SSH2: variants seen among roughly 807,000 people sequenced by gnomAD.
The protein encoded by SSH2 is protein phosphatase Slingshot homolog 2.
Under a neutral mutation model 135.2 loss-of-function variants are expected in SSH2, and 37 were observed. The observed-to-expected ratio is 0.27, with a 90% CI of 0.21 to 0.36. The LOEUF is 0.36. Ranked by LOEUF, SSH2 falls within the 10% of genes least tolerant of loss-of-function variation. SSH2 has a pLI of 1.00. For synonymous variants in SSH2, 628 were observed against 646.2 expected (o/e 0.97, Z 0.43); for missense variants, 1,408 against 1,765.3 (o/e 0.80, Z 3.63).
intron 1 of SSH2, among the ~76,000 whole-genome samples, chr17:29,857,825 T>C (rs1276204412): frequency 6.6e-6 from 1 of 152,210 alleles, no homozygotes; most frequent in Non-Finnish European, 1.5e-5. Context: ...CACACTGTTG[T>C]ATAGTCAATC....
At chr17:29,782,956 GT>G (rs2041872327) in intron 3 of SSH2, among the ~76,000 whole-genome samples, 1 of 152,110 alleles carries the variant, frequency 6.6e-6, no homozygotes, top group African/African-American at 2.4e-5. Flanking sequence ...CCTGACCTCA[GT>G]TGATCTTCCC....
chr17:29,639,457 G>A (rs1395808668), intron 14 of SSH2, among the ~76,000 whole-genome samples: 11 of 151,796 alleles, frequency 7.2e-5, no homozygotes, highest in African/African-American at 2.2e-4. Context: ...GGGCTCTGCC[G>A]AGTCATGCTC....
chr17:29,872,562 C>A (rs2151422402), intron 1 of SSH2, among the ~76,000 whole-genome samples: 1 of 151,724 alleles, frequency 6.6e-6, no homozygotes, highest in Non-Finnish European at 1.5e-5. Flanking sequence ...TTAGACCTGC[C>A]TTAGCAACAC....
At position 29,837,865 on chromosome 17, in the gene SSH2, AG is replaced by A. The variant is rs538135760; in HGVS notation, c.144+10983del. Reference sequence around the variant, plus strand: ...ATGGAGCTGGGGGGAGCTGGGGAAAAGCAGAAGCCCTGCCCCTTGCAAGCTG... The same window carrying A: ...ATGGAGCTGGGGGGAGCTGGGGAAAACAGAAGCCCTGCCCCTTGCAAGCTG... On this transcript the variant is annotated intron_variant, in intron 2 of 15. Coordinates refer to ENST00000540801, the MANE Select transcript of SSH2 (RefSeq NM_001282129.2). Among the ~76,000 whole-genome samples the A allele has an allele frequency of 7.2e-5, 11 of 152,322 alleles. 1 individual carries two copies. The South Asian group carries it at 2.1e-3, about 29-fold the overall frequency.
intron 3 of SSH2, among the ~76,000 whole-genome samples, chr17:29,774,675 G>C (rs1006846031): frequency 1.3e-5 from 2 of 152,090 alleles, no homozygotes; most frequent in Admixed American, 1.3e-4. Context: ...GCAAAACTTT[G>C]GTTCTTATAT....
At chr17:29,891,646 A>C (rs2066352693) in intron 1 of SSH2, among the ~76,000 whole-genome samples, 1 of 152,146 alleles carries the variant, frequency 6.6e-6, no homozygotes, top group Non-Finnish European at 1.5e-5. Context: ...GAGCAGACCA[A>C]AGGTAATTGC....
rs1239244569 is a variant in SSH2, at chr17:29,647,261, CA to C, written c.1427+882del. Among the ~76,000 whole-genome samples, 943 of 104,924 alleles carry C rather than the reference CA, an allele frequency of 9.0e-3. 2 individuals carry two copies. The highest frequency in any genetic ancestry group is 0.037 in the East Asian group (141 of 3,812). The allele number at this position is 104,924 out of a possible 152,430, so 68.8% of individuals were successfully genotyped here. On this transcript the variant is annotated intron_variant, in intron 14 of 15. Coordinates refer to ENST00000540801, the MANE Select transcript of SSH2 (RefSeq NM_001282129.2). The stretch of plus-strand genomic sequence containing the variant: ...TGGGTGACAGATCGAGACTCTGTCT[CA>C]AAAAAAAAAAAAGAGTCGGCCAAAG...
intron 3 of SSH2, among the ~76,000 whole-genome samples, chr17:29,745,407 G>C (rs549046129): frequency 6.6e-6 from 1 of 152,268 alleles, no homozygotes; most frequent in South Asian, 2.1e-4. Flanking sequence ...TGACCCGCCT[G>C]CCTCGGCCTC....
chr17:29,828,436 C>A (rs537256365), intron 2 of SSH2, among the ~76,000 whole-genome samples: 1 of 152,174 alleles, frequency 6.6e-6, no homozygotes, highest in Non-Finnish European at 1.5e-5. Context: ...GCTTTAACCC[C>A]TCTTCCTAGT....
rs762949965 is a variant in SSH2 at position 29,632,359 on chromosome 17, G to C, written c.2835C>G (p.Pro945=). The change falls in exon 16 of 16, where the codon CCC becomes CCG. Residue 945 remains proline, a synonymous_variant. Transcript: ENST00000540801. ...CCTTGAGGACAAATGAATGTTCTGG[G>C]GGGGCTTCATCACTTTTCCCTTTTG... is the stretch of plus-strand genomic sequence containing the variant. ...LAPKGKSDEA[P]PEHSFVLKEP... is the part of the protein sequence containing the mutation. 5.1e-5 allele frequency: 83 copies of C among 1,613,884 alleles called. 1 individual carries two copies. The highest frequency in any genetic ancestry group is 6.7e-5 in the Non-Finnish European group (79 of 1,179,920).
chr17:29,910,041 A>G (rs1005828773), intron 1 of SSH2, among the ~76,000 whole-genome samples: 3 of 152,092 alleles, frequency 2.0e-5, no homozygotes, highest in African/African-American at 7.2e-5. Context: ...AACCTCTTGG[A>G]CTCAAGTAGT....
chr17:29,703,391 C>G (rs980192779), intron 3 of SSH2, among the ~76,000 whole-genome samples: 1 of 150,018 alleles, frequency 6.7e-6, no homozygotes, highest in Non-Finnish European at 1.5e-5. Flanking sequence ...CTGGGATTAC[C>G]GGCGCCCGCC....
intron 7 of SSH2, 128 bp from the exon 8 acceptor site, chr17:29,677,013 G>A (rs940158741): frequency 9.5e-6 from 7 of 734,068 alleles, no homozygotes; most frequent in South Asian, 3.3e-5. Context: ...GGCATTTCAC[G>A]TAGAAGTTTT....
chr17:29,793,151 T>C (rs2042100192), intron 3 of SSH2, among the ~76,000 whole-genome samples: 1 of 152,088 alleles, frequency 6.6e-6, no homozygotes, highest in Non-Finnish European at 1.5e-5. Flanking sequence ...GGAGTTACTT[T>C]TAAAAACCCT....
At chr17:29,779,620 C>T (rs1277573319) in intron 3 of SSH2, among the ~76,000 whole-genome samples, 1 of 149,538 alleles carries the variant, frequency 6.7e-6, no homozygotes, top group Non-Finnish European at 1.5e-5. Context: ...CGAGACCAGC[C>T]TGGCCAATCC....
At chr17:29,771,314 T>G (rs2041580883) in intron 3 of SSH2, among the ~76,000 whole-genome samples, 1 of 152,240 alleles carries the variant, frequency 6.6e-6, no homozygotes, top group African/African-American at 2.4e-5. Context: ...CTAACTCTTT[T>G]GTGGACTTTA....
intron 9 of SSH2, among the ~76,000 whole-genome samples, chr17:29,669,242 C>T (rs1468871889): frequency 6.6e-6 from 1 of 151,630 alleles, no homozygotes; most frequent in African/African-American, 2.4e-5. Flanking sequence ...AACAGTGAGA[C>T]TCCGTCTCAA....
intron 2 of SSH2, among the ~76,000 whole-genome samples, chr17:29,795,305 C>T (rs896985979): frequency 3.3e-5 from 5 of 152,344 alleles, no homozygotes; most frequent in Middle Eastern, 3.4e-3. Context: ...AAAACAATAA[C>T]TACTACAAAA....
At chr17:29,879,083 G>C (rs184404358) in intron 1 of SSH2, among the ~76,000 whole-genome samples, 38 of 152,202 alleles carry the variant, frequency 2.5e-4, no homozygotes, top group African/African-American at 8.9e-4. Context: ...AATGTGTCCA[G>C]AAGTATATGG....
Sources: gnomAD v4.1 joint callset for allele counts (sites outside exome capture counted in the v4.1 genomes callset) on GRCh38, gnomAD v4.1.1 for gene constraint, MANE v1.5 for transcripts, NCBI Gene and HGNC (gene_info 2026-07-23, HGNC 2026-07-21) for gene names.